CNTN4: variants seen among roughly 807,000 people sequenced by gnomAD.
The protein encoded by CNTN4 is contactin-4.
CNTN4 carries 77 observed loss-of-function variants against 122.5 expected under a neutral mutation model. That is an observed-to-expected ratio of 0.63 (90% CI 0.52 to 0.76). CNTN4 has a LOEUF of 0.76. Among genes scored for constraint, CNTN4 ranks in the 30% least tolerant of loss-of-function variants. The pLI, the probability that CNTN4 is intolerant of heterozygous loss-of-function variation, is 0.00. For missense variants in CNTN4, 1,256 were observed against 1,259.1 expected (o/e 1.00, Z 0.04); for synonymous variants, 512 against 447.0 (o/e 1.15, Z -1.83).
intron 17 of CNTN4, among the ~76,000 whole-genome samples, chr3:3,036,784 GAA>G (rs11317775): frequency 3.5e-5 from 5 of 141,748 alleles, no homozygotes; most frequent in South Asian, 2.3e-4. Context: ...CTCAAAAAAA[GAA>G]AAAAAAAAAG....
At chr3:2,114,507 G>A (rs1395807421) in intron 2 of CNTN4, among the ~76,000 whole-genome samples, 1 of 152,038 alleles carries the variant, frequency 6.6e-6, no homozygotes, top group Non-Finnish European at 1.5e-5. Flanking sequence ...TATGTACAAT[G>A]GCCATGGGCT....
chr3:2,842,976 A>C (rs1459941881), intron 7 of CNTN4, among the ~76,000 whole-genome samples: 4 of 151,968 alleles, frequency 2.6e-5, no homozygotes, highest in African/African-American at 9.7e-5. Context: ...TAGTGATTTC[A>C]TCCAGTCCAA....
intron 4 of CNTN4, among the ~76,000 whole-genome samples, chr3:2,713,550 C>T (rs4525842): frequency 0.11 from 16,195 of 152,066 alleles, 1,195 homozygotes; most frequent in East Asian, 0.38. Context: ...TAGGGAGGAC[C>T]CCTCTGGAAT....
intron 13 of CNTN4, among the ~76,000 whole-genome samples, chr3:2,929,340 T>C (rs1471961978): frequency 6.6e-6 from 1 of 152,200 alleles, no homozygotes; most frequent in Non-Finnish European, 1.5e-5. Flanking sequence ...GAAGGTACTT[T>C]GAGGCAGGTA....
intron 4 of CNTN4, among the ~76,000 whole-genome samples, chr3:2,577,879 C>T (rs1223993998): frequency 2.0e-5 from 3 of 152,106 alleles, no homozygotes; most frequent in East Asian, 1.9e-4. Context: ...TAAATTTATT[C>T]CCATCTCTGT....
intron 13 of CNTN4, among the ~76,000 whole-genome samples, chr3:2,947,441 T>G (rs898963598): frequency 1.3e-5 from 2 of 152,162 alleles, no homozygotes; most frequent in African/African-American, 4.8e-5. Context: ...CAATGATCAT[T>G]CAGAAGGAGA....
At chr3:2,647,718 A>G (rs2083191617) in intron 4 of CNTN4, among the ~76,000 whole-genome samples, 1 of 152,146 alleles carries the variant, frequency 6.6e-6, no homozygotes, top group African/African-American at 2.4e-5. Context: ...ATATTTCCTC[A>G]CAAACAGATG....
At chr3:2,353,599 T>C (rs1439383686) in intron 3 of CNTN4, among the ~76,000 whole-genome samples, 1 of 151,998 alleles carries the variant, frequency 6.6e-6, no homozygotes, top group African/African-American at 2.4e-5. Context: ...TGAGCAACTC[T>C]GGACGGGAGG....
intron 4 of CNTN4, among the ~76,000 whole-genome samples, chr3:2,591,276 C>T (rs549803162): frequency 6.6e-6 from 1 of 151,422 alleles, no homozygotes; most frequent in Non-Finnish European, 1.5e-5. Flanking sequence ...CTGATAAAGT[C>T]CCTTAAAGAA....
intron 2 of CNTN4, among the ~76,000 whole-genome samples, chr3:2,162,964 G>A (rs1199115423): frequency 6.6e-6 from 1 of 152,136 alleles, no homozygotes; most frequent in South Asian, 2.1e-4. Context: ...GGGTGTGGTA[G>A]TGCACACGTG....
At chr3:2,789,051 T>A (rs1272492578) in intron 6 of CNTN4, among the ~76,000 whole-genome samples, 1 of 152,210 alleles carries the variant, frequency 6.6e-6, no homozygotes, top group Non-Finnish European at 1.5e-5. Flanking sequence ...CCTCTGGGGC[T>A]CTACATAATC....
chr3:2,368,869 C>G (rs547739010), intron 3 of CNTN4, among the ~76,000 whole-genome samples: 52 of 152,254 alleles, frequency 3.4e-4, no homozygotes, highest in African/African-American at 1.2e-3. Flanking sequence ...GTGAATTAAA[C>G]TTTCATTGTG....
At chr3:2,176,763 A>G (rs2036765528) in intron 2 of CNTN4, among the ~76,000 whole-genome samples, 1 of 152,156 alleles carries the variant, frequency 6.6e-6, no homozygotes, top group African/African-American at 2.4e-5. Context: ...TAGGAGATTG[A>G]TTGCTTTGAA....
intron 2 of CNTN4, among the ~76,000 whole-genome samples, chr3:2,193,178 AC>A (rs900550827): frequency 1.3e-4 from 20 of 152,062 alleles, no homozygotes; most frequent in African/African-American, 4.8e-4. Flanking sequence ...TTCAAGCTGT[AC>A]CCCCTTATCT....
intron 7 of CNTN4, among the ~76,000 whole-genome samples, chr3:2,826,438 A>G (rs1365915255): frequency 6.6e-6 from 1 of 152,178 alleles, no homozygotes; most frequent in Non-Finnish European, 1.5e-5. Context: ...CAGCCCTTAA[A>G]AGAAGCAAGC....
At chr3:2,556,254 A>G (rs1426473524) in intron 3 of CNTN4, among the ~76,000 whole-genome samples, 1 of 152,218 alleles carries the variant, frequency 6.6e-6, no homozygotes, top group Non-Finnish European at 1.5e-5. Context: ...TTCCTTGACA[A>G]CAGCAATTAA....
chr3:2,616,735 G>A (rs1034080433), intron 4 of CNTN4, among the ~76,000 whole-genome samples: 17 of 152,112 alleles, frequency 1.1e-4, no homozygotes, highest in East Asian at 3.9e-4. Flanking sequence ...CCCTGACTTC[G>A]AACTATACTA....
chr3:2,275,952 A>T (rs1299694454), intron 2 of CNTN4, among the ~76,000 whole-genome samples: 1 of 151,466 alleles, frequency 6.6e-6, no homozygotes, highest in African/African-American at 2.4e-5. Flanking sequence ...AAAAAATATT[A>T]AATCTTGATT....
intron 2 of CNTN4, among the ~76,000 whole-genome samples, chr3:2,208,313 T>C (rs1188126968): frequency 6.6e-6 from 1 of 152,140 alleles, no homozygotes; most frequent in Non-Finnish European, 1.5e-5. Flanking sequence ...TTACAGAGGT[T>C]CAAGATTTCA....
Sources: allele counts gnomAD v4.1 joint callset (sites outside exome capture counted in the v4.1 genomes callset), GRCh38; gene constraint gnomAD v4.1.1; transcripts MANE v1.5; gene names NCBI Gene and HGNC (gene_info 2026-07-23, HGNC 2026-07-21).